Variants in PREX1 observed in about 807,000 individuals in gnomAD.
PREX1 encodes the protein phosphatidylinositol 3,4,5-trisphosphate-dependent Rac exchanger 1 protein.
PREX1 carries 41 observed loss-of-function variants against 198.3 expected under a neutral mutation model. The observed-to-expected ratio is 0.21, with a 90% CI of 0.16 to 0.27. The LOEUF is 0.27. Ranked by LOEUF, PREX1 falls within the 10% of genes least tolerant of loss-of-function variation. PREX1 has a pLI of 1.00. For missense variants in PREX1, 1,620 were observed against 2,200.7 expected, an observed-to-expected ratio of 0.74 and a Z score of 5.28; for synonymous variants, 843 against 887.2, an observed-to-expected ratio of 0.95 and a Z score of 0.89.
In PREX1 at chr20:48,743,550, T is replaced by C. The variant is rs1030428888; in HGVS notation, c.414+1475A>G. ...TAGCACCCAGCCCACCTGCGCCCCA[T>C]TGTGCTCTTATTTGTCCAATTCCAA... On this transcript the variant is annotated intron_variant, in intron 3 of 39. Coordinates refer to ENST00000371941, the MANE Select transcript of PREX1 (RefSeq NM_020820.4). Among the ~76,000 whole-genome samples the C allele has an allele frequency of 3.9e-5, 6 of 152,326 alleles. 1 individual carries two copies. Among genetic ancestry groups the C allele is most frequent in the Non-Finnish European group, 5.9e-5 (4 of 68,022 alleles).
intron 30 of PREX1, among the ~76,000 whole-genome samples, chr20:48,638,954 GA>G (rs1310580465): frequency 3.3e-5 from 5 of 152,374 alleles, no homozygotes; most frequent in African/African-American, 1.2e-4. Context: ...GAACAGGACA[GA>G]TCAGAAGCAG....
chr20:48,737,502 T>G (rs930900615), intron 3 of PREX1, among the ~76,000 whole-genome samples: 17 of 152,054 alleles, frequency 1.1e-4, no homozygotes, highest in African/African-American at 4.1e-4. Context: ...TTGTGACTAT[T>G]TGATGAATGA....
chr20:48,728,142 T>C (rs1568841674), intron 4 of PREX1, among the ~76,000 whole-genome samples: 1 of 152,256 alleles, frequency 6.6e-6, no homozygotes, highest in Non-Finnish European at 1.5e-5. Flanking sequence ...TATTCATTCA[T>C]TCAACAAATA....
rs370492487 is a variant in PREX1 at position 48,767,735 on chromosome 20, C to T, written c.220-19855G>A. Among the ~76,000 whole-genome samples the T allele has an allele frequency of 1.1e-3, 173 of 152,238 alleles. 2 individuals carry two copies. In the East Asian group the frequency reaches 0.021, roughly 19 times the overall value. ...CAGCCCCAATGCCTAGTCTGCCCTTCCTAGGTCACCCCAGGCTTTTTCTTA... is the reference window on the plus strand; with the variant it reads ...CAGCCCCAATGCCTAGTCTGCCCTTTCTAGGTCACCCCAGGCTTTTTCTTA... On this transcript the variant is annotated intron_variant, in intron 1 of 39. Transcript: ENST00000371941.
chr20:48,677,422 C>CCTCTCTCCA (rs1366489158), intron 13 of PREX1, among the ~76,000 whole-genome samples: 1 of 152,118 alleles, frequency 6.6e-6, no homozygotes, highest in Non-Finnish European at 1.5e-5. Flanking sequence ...ATCAGGTCAC[C>CCTCTCTCCA]CTCTCTCCCT....
At chr20:48,820,025 T>C (rs563397499) in intron 1 of PREX1, among the ~76,000 whole-genome samples, 51 of 152,270 alleles carry the variant, frequency 3.3e-4, no homozygotes, top group African/African-American at 1.2e-3. Context: ...GTGGCCCCAG[T>C]CCCGCCAGCC....
chr20:48,633,987 T>A (rs6125408), intron 33 of PREX1, among the ~76,000 whole-genome samples: 3 of 150,350 alleles, frequency 2.0e-5, no homozygotes, highest in Non-Finnish European at 3.0e-5. Context: ...TGGATGATGG[T>A]TGGATGGATG....
chr20:48,769,467 G>A (rs1266924932), intron 1 of PREX1, among the ~76,000 whole-genome samples: 2 of 152,154 alleles, frequency 1.3e-5, no homozygotes, highest in African/African-American at 2.4e-5. Context: ...GGCCGGCTTC[G>A]TACATCAAAG....
At position 48,684,462 on chromosome 20, in the gene PREX1, C is replaced by T. The variant is rs1379614720; in HGVS notation, c.1335-3127G>A. 6.6e-6 allele frequency among the ~76,000 whole-genome samples: 1 copy of T among 152,182 alleles called. No individual in the cohort carries two copies. The highest frequency in any genetic ancestry group is 1.5e-5 in the Non-Finnish European group (1 of 68,034). ...TGCACACTAACACCCTGCACCTGTG[C>T]GTACAGGTGGCCAAGACACCAAGGC... On this transcript the variant is annotated intron_variant, in intron 10 of 39. Transcript: ENST00000371941. This position sits in a 1 kb window ranked among gnomAD's most constrained non-coding sequence, Gnocchi z 4.2.
intron 1 of PREX1, among the ~76,000 whole-genome samples, chr20:48,825,784 T>C (rs1432149263): frequency 6.6e-6 from 1 of 151,638 alleles, no homozygotes; most frequent in Non-Finnish European, 1.5e-5. Context: ...GAATTTGACA[T>C]TGCTCAGAGA....
At chr20:48,859,736 G>C in the PREX1 span, among the ~76,000 whole-genome samples, 3 of 152,214 alleles carry the variant, frequency 2.0e-5, no homozygotes, top group East Asian at 3.8e-4. Context: ...GCAAGGTCTT[G>C]ACCGGGCATG....
chr20:48,634,260 G>A (rs2089343869), intron 33 of PREX1, among the ~76,000 whole-genome samples: 1 of 152,214 alleles, frequency 6.6e-6, no homozygotes, highest in Admixed American at 6.5e-5. Flanking sequence ...GAGAAAGACA[G>A]AAAGAAAAAG....
At chr20:48,656,276 C>T (rs1251237458) in intron 18 of PREX1, among the ~76,000 whole-genome samples, 1 of 152,196 alleles carries the variant, frequency 6.6e-6, no homozygotes, top group Non-Finnish European at 1.5e-5. Context: ...TCCTCCCACC[C>T]CTGCTCTCGC....
chr20:48,679,696 A>G lies in PREX1; in HGVS notation c.1494T>C (p.Asp498=), dbSNP rs1291522225. The G allele has an allele frequency of 1.9e-6, 3 of 1,613,906 alleles. No homozygotes were observed. The highest frequency in any genetic ancestry group is 1.7e-6 in the Non-Finnish European group (2 of 1,179,770). The part of the protein sequence containing the change: ...EQVMYRFRYD[D]GTYKARSELE... The stretch of plus-strand genomic sequence containing the variant: ...GCTCACTTCGGGCCTTGTAGGTGCC[A>G]TCGTCGTAGCGGAAGCGATACATCA... The change falls in exon 12 of 40, where the codon GAT becomes GAC. Residue 498 remains aspartate (D), a synonymous_variant. Transcript: ENST00000371941.
At chr20:48,847,745 A>G in the PREX1 span, among the ~76,000 whole-genome samples, 15 of 152,246 alleles carry the variant, frequency 9.9e-5, no homozygotes, top group Middle Eastern at 6.8e-3. Flanking sequence ...CACCCTTCCA[A>G]TCGAGATCTA....
rs540998781 is a variant in PREX1, at chr20:48,765,963, G to A, written c.220-18083C>T. 4.6e-5 allele frequency among the ~76,000 whole-genome samples: 7 copies of A among 152,144 alleles called. No individual in the cohort carries two copies. The South Asian group carries it at 6.2e-4, about 14-fold the overall frequency. ...CAGCAGCAGCATCAGATTCTCATAG[G>A]AGCACAAACCCTACTGCAAACCACC... On this transcript the variant is annotated intron_variant, in intron 1 of 39. Transcript: ENST00000371941.
upstream of PREX1, among the ~76,000 whole-genome samples, chr20:48,828,208 T>A (rs986494976): frequency 6.6e-6 from 1 of 150,734 alleles, no homozygotes; most frequent in African/African-American, 2.4e-5. Flanking sequence ...GGCGCCTCCG[T>A]CGGAAGCTCG....
chr20:48,762,132 A>C (rs2090183283), intron 1 of PREX1, among the ~76,000 whole-genome samples: 1 of 152,200 alleles, frequency 6.6e-6, no homozygotes, highest in Non-Finnish European at 1.5e-5. Flanking sequence ...TCACTAATGG[A>C]ATGCAGATCT....
At chr20:48,862,157 C>T in the PREX1 span, among the ~76,000 whole-genome samples, 3 of 151,972 alleles carry the variant, frequency 2.0e-5, no homozygotes, top group Non-Finnish European at 2.9e-5. Flanking sequence ...TCCAGTGAGC[C>T]GAGACTGCCC....
Sources: allele counts gnomAD v4.1 joint callset (sites outside exome capture counted in the v4.1 genomes callset), GRCh38; gene constraint gnomAD v4.1.1; non-coding constraint Gnocchi (gnomAD v3.1); transcripts MANE v1.5; gene names NCBI Gene and HGNC (gene_info 2026-07-23, HGNC 2026-07-21).